Variants in RASSF8 observed in about 807,000 individuals in gnomAD.
RASSF8 encodes the protein Ras association domain family member 8.
A neutral mutation model predicts 48.5 loss-of-function variants in RASSF8; 22 were observed. That is an observed-to-expected ratio of 0.45 (90% confidence interval 0.32 to 0.65). RASSF8 has a LOEUF of 0.65. Among genes scored for constraint, RASSF8 ranks in the 30% least tolerant of loss-of-function variants. RASSF8 has a pLI of 0.03. For synonymous variants in RASSF8, 127 were observed against 171.5 expected (o/e 0.74, Z 2.03); for missense variants, 418 against 489.2 (o/e 0.85, Z 1.37).
rs1943978281 is a variant in RASSF8, at chr12:26,070,603, A to G, written c.*1785A>G. On this transcript the variant is annotated 3_prime_UTR_variant, in exon 6 of 6. Transcript: ENST00000689635. ...TATAGTAGTTATTTTCTATCTACCT[A>G]TATTTAAAATTAGGATGATTAAAAA... is the stretch of plus-strand genomic sequence containing the variant. The G allele has an allele frequency of 1.0e-6, 1 of 959,972 alleles. No individual in the cohort carries two copies. The highest frequency in any genetic ancestry group is 1.8e-5 in the African/African-American group (1 of 56,578). The allele number at this position is 959,972 out of a possible 1,614,324, so 59.5% of individuals were successfully genotyped here.
At chr12:25,983,040 T>C (rs1298394511) in intron 1 of RASSF8, among the ~76,000 whole-genome samples, 1 of 152,096 alleles carries the variant, frequency 6.6e-6, no homozygotes, top group Admixed American at 6.6e-5. Flanking sequence ...GTTTAAAAAG[T>C]TTTAAGAAAT....
chr12:26,008,144 G>C, intron 2 of RASSF8, among the ~76,000 whole-genome samples: 1 of 152,022 alleles, frequency 6.6e-6, no homozygotes, highest in East Asian at 1.9e-4. Flanking sequence ...GTGGTGGCGG[G>C]CGCCTGTAGT....
At position 26,069,149 on chromosome 12, in the gene RASSF8, A is replaced by G. The variant is rs1463722016; in HGVS notation, c.*331A>G. On this transcript the variant is annotated 3_prime_UTR_variant, in exon 6 of 6. Transcript: ENST00000689635. ...CCGTGACTTAAGTAAGAGTGAAGAGAAATTTGTGACTGGCTTAGTTTAATT... is the reference window on the plus strand; with the variant it reads ...CCGTGACTTAAGTAAGAGTGAAGAGGAATTTGTGACTGGCTTAGTTTAATT... 1.0e-6 allele frequency: 1 copy of G among 992,096 alleles called. No individual in the cohort carries two copies. The highest frequency in any genetic ancestry group is 1.7e-5 in the African/African-American group (1 of 57,470). The allele number at this position is 992,096 out of a possible 1,614,324, so 61.5% of individuals were successfully genotyped here.
At chr12:25,974,495 ACC>A (rs199896729) in intron 1 of RASSF8, among the ~76,000 whole-genome samples, 2,260 of 87,108 alleles carry the variant, frequency 0.026, 71 homozygotes, top group African/African-American at 0.084. Flanking sequence ...TTACTAAAAT[ACC>A]TTTTTTTTTT....
At chr12:26,046,021 C>T (rs559755620) in intron 2 of RASSF8, among the ~76,000 whole-genome samples, 161 of 152,200 alleles carry the variant, frequency 1.1e-3, no homozygotes, top group South Asian at 3.5e-3. Context: ...TAGATTTGGG[C>T]GATCAGATAA....
At chr12:25,983,247 A>AG (rs537584747) in intron 1 of RASSF8, among the ~76,000 whole-genome samples, 1,616 of 31,576 alleles carry the variant, frequency 0.051, 30 homozygotes, top group African/African-American at 0.088. Context: ...AATGACAAAA[A>AG]AAATCTGAAA....
At position 26,069,554 on chromosome 12, in the gene RASSF8, G is replaced by A. The variant is rs555720797; in HGVS notation, c.*736G>A. On this transcript the variant is annotated 3_prime_UTR_variant, in exon 6 of 6. Coordinates refer to ENST00000689635, the MANE Select transcript of RASSF8 (RefSeq NM_001394098.1). ...AAACATTTGCAGTGTTTCAGACACT[G>A]TTGAACAAAAATGTAATTGGTAAGT... 9.1e-6 allele frequency: 9 copies of A among 985,416 alleles called. No homozygotes were observed. In the East Asian group the frequency reaches 6.8e-4, roughly 74 times the overall value. The allele number at this position is 985,416 out of a possible 1,614,324, so 61.0% of individuals were successfully genotyped here.
At chr12:26,023,690 C>T (rs1437143901) in intron 2 of RASSF8, among the ~76,000 whole-genome samples, 2 of 151,116 alleles carry the variant, frequency 1.3e-5, no homozygotes, top group Non-Finnish European at 3.0e-5. Flanking sequence ...CAAAAAAAAA[C>T]AGGAAAGGTA....
intron 1 of RASSF8, among the ~76,000 whole-genome samples, chr12:25,993,151 C>G (rs911727315): frequency 6.6e-6 from 1 of 152,102 alleles, no homozygotes; most frequent in African/African-American, 2.4e-5. Flanking sequence ...CAGAACTGCC[C>G]CCGCTCCCTG....
At chr12:26,034,575 G>A (rs1349328981) in intron 2 of RASSF8, among the ~76,000 whole-genome samples, 2 of 152,092 alleles carry the variant, frequency 1.3e-5, no homozygotes, top group African/African-American at 4.8e-5. Flanking sequence ...ATTCTTTTCA[G>A]TGGGAATGAC....
intron 2 of RASSF8, chr12:26,021,615 G>A (rs1449875537): frequency 3.3e-5 from 5 of 152,260 alleles, no homozygotes; most frequent in Non-Finnish European, 7.3e-5. Flanking sequence ...CTAGAATACT[G>A]GGGCTCTAAT....
At chr12:25,975,439 T>A (rs1437574133) in intron 1 of RASSF8, among the ~76,000 whole-genome samples, 1 of 152,212 alleles carries the variant, frequency 6.6e-6, no homozygotes, top group Non-Finnish European at 1.5e-5. Context: ...TGAATTAAGA[T>A]TTTGACATAT....
At chr12:26,037,469 G>T (rs1484342746) in intron 2 of RASSF8, among the ~76,000 whole-genome samples, 1 of 152,094 alleles carries the variant, frequency 6.6e-6, no homozygotes, top group Non-Finnish European at 1.5e-5. Context: ...TAGAAAGGGG[G>T]TAGAGTTTAT....
At chr12:25,970,804 A>C (rs1007170241) in intron 1 of RASSF8, among the ~76,000 whole-genome samples, 2 of 152,218 alleles carry the variant, frequency 1.3e-5, no homozygotes, top group Admixed American at 1.3e-4. Flanking sequence ...CAACAGGACT[A>C]CATTAATAAG....
intron 1 of RASSF8, among the ~76,000 whole-genome samples, chr12:25,970,611 C>G (rs1367547541): frequency 6.6e-6 from 1 of 152,164 alleles, no homozygotes; most frequent in African/African-American, 2.4e-5. Context: ...CTCACTGTGT[C>G]ACTGACCTGC....
intron 3 of RASSF8, among the ~76,000 whole-genome samples, chr12:26,064,244 G>A (rs1457379784): frequency 1.3e-5 from 2 of 152,100 alleles, no homozygotes; most frequent in South Asian, 2.1e-4. Flanking sequence ...GTCCCACCAA[G>A]GTTTAAAGTA....
intron 2 of RASSF8, among the ~76,000 whole-genome samples, chr12:25,995,461 A>C (rs1455196817): frequency 6.6e-6 from 1 of 152,204 alleles, no homozygotes; most frequent in Non-Finnish European, 1.5e-5. Flanking sequence ...CTTTCTGAGC[A>C]CTATTCTACT....
At position 26,070,804 on chromosome 12, in the gene RASSF8, C is replaced by T. The variant is rs1261368831; in HGVS notation, c.*1986C>T. The T allele has an allele frequency of 3.1e-6, 3 of 982,876 alleles. No individual in the cohort carries two copies. The African/African-American group carries it at 5.3e-5, about 17-fold the overall frequency. 60.9% of individuals were successfully genotyped at this position (982,876 alleles called of 1,614,324 possible). A position where few individuals can be genotyped will look rare whatever the true frequency, so the allele number is the denominator to read the frequency against. The stretch of plus-strand genomic sequence containing the variant: ...ATTTTCTTTAAGTCAAAATGTTAAA[C>T]TGGAGGCAGTATTAAACTTTGCAAT... On this transcript the variant is annotated 3_prime_UTR_variant, in exon 6 of 6. Transcript: ENST00000689635.
At chr12:25,969,972 T>A (rs1246155217) in intron 1 of RASSF8, among the ~76,000 whole-genome samples, 1 of 152,112 alleles carries the variant, frequency 6.6e-6, no homozygotes, top group African/African-American at 2.4e-5. Context: ...CTCGCTCACC[T>A]GCCTCCTCAA....
Sources: allele counts gnomAD v4.1 joint callset (sites outside exome capture counted in the v4.1 genomes callset), GRCh38; gene constraint gnomAD v4.1.1; transcripts MANE v1.5; gene names NCBI Gene and HGNC (gene_info 2026-07-23, HGNC 2026-07-21).